The following FRMPD4 variants were observed in gnomAD, a reference collection of about 807,000 sequenced individuals.
The protein encoded by FRMPD4 is FERM and PDZ domain containing 4.
A neutral mutation model predicts 94.1 loss-of-function variants in FRMPD4; 22 were observed. The ratio of observed to expected loss-of-function variants is 0.23; its 90% confidence interval spans 0.17 to 0.33. FRMPD4 has a LOEUF of 0.33. Among genes scored for constraint, FRMPD4 ranks in the 10% least tolerant of loss-of-function variants. The probability of loss-of-function intolerance (pLI) is 1.00; values close to 1 mark genes in which losing one functional copy is unlikely to be tolerated. For synonymous variants in FRMPD4, 631 were observed against 548.6 expected (o/e 1.15, Z -2.10); for missense variants, 1,111 against 1,339.9 (o/e 0.83, Z 2.67).
intron 1 of FRMPD4, among the ~76,000 whole-genome samples, chrX:12,336,243 A>G (rs952078751): frequency 1.8e-5 from 2 of 111,567 alleles, no homozygotes; most frequent in Admixed American, 9.5e-5. Context: ...TGCAGAATAT[A>G]TATCTCTGTC....
At chrX:12,672,527 C>A (rs1346370757) in intron 4 of FRMPD4, among the ~76,000 whole-genome samples, 6 of 112,120 alleles carry the variant, frequency 5.4e-5, no homozygotes, top group Admixed American at 9.4e-5. Context: ...CTTCCTGCTG[C>A]CTTTTTTTTC....
chrX:12,041,448 A>G (rs2054754363), intron 3 of FRMPD4, among the ~76,000 whole-genome samples: 1 of 112,032 alleles, frequency 8.9e-6, no homozygotes, highest in East Asian at 2.8e-4. Context: ...TTCTTGGCTA[A>G]CTTTTTTCTT....
rs760747934 is a variant in FRMPD4, at chrX:12,345,682, T to C, written c.42-152998T>C. ...GATACTGGGAGACTGGGAGGGATGGTAGCAAATCTAATTTGTCACTAATTG... is the reference window on the plus strand; with the variant it reads ...GATACTGGGAGACTGGGAGGGATGGCAGCAAATCTAATTTGTCACTAATTG... On this transcript the variant is annotated intron_variant, in intron 1 of 16. Transcript: ENST00000675598. Among the ~76,000 whole-genome samples the C allele has an allele frequency of 2.7e-5, 3 of 112,347 alleles. No individual in the cohort carries two copies. In the Admixed American group the frequency reaches 2.8e-4, roughly 11 times the overall value.
intron 3 of FRMPD4, among the ~76,000 whole-genome samples, chrX:12,042,517 G>A (rs763899998): frequency 9.0e-6 from 1 of 111,062 alleles, no homozygotes; most frequent in East Asian, 2.8e-4. Context: ...TAGCACTCAG[G>A]CAATAATTGG....
chrX:12,618,615 T>C (rs895452793), intron 4 of FRMPD4, among the ~76,000 whole-genome samples: 2 of 111,052 alleles, frequency 1.8e-5, no homozygotes, highest in African/African-American at 3.3e-5. Context: ...CCAGACCTTC[T>C]TGATGGACAC....
intron 2 of FRMPD4, among the ~76,000 whole-genome samples, chrX:12,554,764 C>A (rs771862133): frequency 9.0e-6 from 1 of 111,708 alleles, no homozygotes; most frequent in African/African-American, 3.2e-5. Context: ...CAGGCACATG[C>A]CACCATACCC....
intron 1 of FRMPD4, among the ~76,000 whole-genome samples, chrX:12,376,422 G>A (rs1334941218): frequency 8.9e-6 from 1 of 112,364 alleles, no homozygotes; most frequent in Non-Finnish European, 1.9e-5. Flanking sequence ...TTATACTAAT[G>A]GCTTCACATG....
intron 1 of FRMPD4, among the ~76,000 whole-genome samples, chrX:12,389,336 G>A (rs150567987): frequency 8.2e-4 from 90 of 109,593 alleles, no homozygotes; most frequent in African/African-American, 2.7e-3. Context: ...TTAGCCAGGC[G>A]TGATGGTGCA....
chrX:12,408,710 A>T (rs2056696100), intron 1 of FRMPD4, among the ~76,000 whole-genome samples: 1 of 111,492 alleles, frequency 9.0e-6, no homozygotes, highest in African/African-American at 3.3e-5. Flanking sequence ...ACAAAAACCC[A>T]AACTGGCTAA....
chrX:11,893,233 G>T (rs1444851645), intron 3 of FRMPD4, among the ~76,000 whole-genome samples: 2 of 111,659 alleles, frequency 1.8e-5, no homozygotes, highest in Non-Finnish European at 3.8e-5. Flanking sequence ...GTCTTCCCTG[G>T]TCTGTCAGTT....
At chrX:12,457,152 T>C (rs1480032102) in intron 1 of FRMPD4, among the ~76,000 whole-genome samples, 1 of 112,331 alleles carries the variant, frequency 8.9e-6, no homozygotes, top group African/African-American at 3.2e-5. Context: ...CAGCTGGTTT[T>C]TGACAAAACA....
chrX:12,527,318 T>C (rs2058234563), intron 2 of FRMPD4, among the ~76,000 whole-genome samples: 1 of 111,416 alleles, frequency 9.0e-6, no homozygotes, highest in Admixed American at 9.5e-5. Context: ...TAGAGGTGTT[T>C]CCACTCATGT....
At chrX:12,225,433 A>C (rs2056912038) in intron 1 of FRMPD4, among the ~76,000 whole-genome samples, 1 of 112,076 alleles carries the variant, frequency 8.9e-6, no homozygotes, top group African/African-American at 3.2e-5. Context: ...CTGAAGGAAG[A>C]TAGATGCCCA....
chrX:12,000,024 G>A (rs1438936318), intron 3 of FRMPD4, among the ~76,000 whole-genome samples: 1 of 112,059 alleles, frequency 8.9e-6, no homozygotes, highest in East Asian at 2.8e-4. Context: ...CATTTAAAAA[G>A]CCCATGCTTC....
At chrX:12,391,754 G>A (rs766168254) in intron 1 of FRMPD4, among the ~76,000 whole-genome samples, 2 of 111,014 alleles carry the variant, frequency 1.8e-5, no homozygotes, top group Non-Finnish European at 3.8e-5. Flanking sequence ...CTTCTGGATA[G>A]AGCAGGAACA....
At chrX:12,524,800 C>G (rs980351015) in intron 2 of FRMPD4, among the ~76,000 whole-genome samples, 1 of 111,478 alleles carries the variant, frequency 9.0e-6, no homozygotes, top group African/African-American at 3.3e-5. Flanking sequence ...CAATGAGAAC[C>G]TGCATTGAGA....
intron 1 of FRMPD4, among the ~76,000 whole-genome samples, chrX:11,831,690 A>G (rs190460926): frequency 5.4e-5 from 6 of 111,118 alleles, no homozygotes; most frequent in Admixed American, 3.8e-4. Flanking sequence ...ATTAGAAGGG[A>G]GAGAAGAGAA....
intron 3 of FRMPD4, among the ~76,000 whole-genome samples, chrX:12,053,263 C>T (rs950106465): frequency 6.6e-5 from 7 of 105,813 alleles, no homozygotes; most frequent in African/African-American, 2.1e-4. Context: ...CACTTGAACC[C>T]GGGAGGCAGA....
intron 1 of FRMPD4, among the ~76,000 whole-genome samples, chrX:12,262,113 G>C (rs1601751994): frequency 9.0e-6 from 1 of 111,264 alleles, no homozygotes; most frequent in East Asian, 2.8e-4. Flanking sequence ...CTTGTCCCCT[G>C]CCTGTTTTTG....
Sources: allele counts gnomAD v4.1 joint callset (sites outside exome capture counted in the v4.1 genomes callset), GRCh38; gene constraint gnomAD v4.1.1; transcripts MANE v1.5; gene names NCBI Gene and HGNC (gene_info 2026-07-23, HGNC 2026-07-21).